Variants in NKAIN2 observed in about 807,000 individuals in gnomAD.
NKAIN2 encodes sodium/potassium transporting ATPase interacting 2.
Under a neutral mutation model 32.6 loss-of-function variants are expected in NKAIN2, and 14 were observed. That is an observed-to-expected ratio of 0.43 (90% CI 0.28 to 0.67). NKAIN2 has a LOEUF of 0.67. NKAIN2 is among the 30% of genes least tolerant of loss of function. NKAIN2 has a pLI of 0.17. For missense variants in NKAIN2, 198 were observed against 258.3 expected, an observed-to-expected ratio of 0.77 and a Z score of 1.60; for synonymous variants, 80 against 87.2, an observed-to-expected ratio of 0.92 and a Z score of 0.46.
chr6:124,234,536 C>A (rs922572343), intron 1 of NKAIN2, among the ~76,000 whole-genome samples: 1 of 152,110 alleles, frequency 6.6e-6, no homozygotes, highest in Non-Finnish European at 1.5e-5. Flanking sequence ...TTTATCTCTT[C>A]CTATTTAGCC....
chr6:124,054,514 T>C (rs982221471), intron 1 of NKAIN2, among the ~76,000 whole-genome samples: 2 of 152,078 alleles, frequency 1.3e-5, no homozygotes, highest in African/African-American at 4.8e-5. Flanking sequence ...CTTGGACTAA[T>C]AATATTAAAC....
rs569620243 is a variant in NKAIN2, at chr6:124,716,581, T to A, written c.474+58195T>A. Among the ~76,000 whole-genome samples the A allele has an allele frequency of 2.2e-4, 34 of 152,274 alleles. No homozygotes were observed. The East Asian group carries it at 6.2e-3, about 28-fold the overall frequency. ...ACAGTGGCTCCTAATATCACTTAGT[T>A]AAAGGCAAATTCAGCACACTATATA... is the stretch of plus-strand genomic sequence containing the variant. On this transcript the variant is annotated intron_variant, in intron 4 of 6. Transcript: ENST00000368417.
At chr6:123,933,022 ACTGT>A (rs1174185080) in intron 1 of NKAIN2, among the ~76,000 whole-genome samples, 2 of 152,112 alleles carry the variant, frequency 1.3e-5, no homozygotes, top group Non-Finnish European at 2.9e-5. Context: ...AAAATACTTT[ACTGT>A]CTGTCTGTTA....
rs528235486 is a variant in NKAIN2, at chr6:124,239,960, G to A, written c.55-43045G>A. ...AAAAAATCAATGAATCCAGGAGCTGGTTTTTTGAAAGGATTGAAAAAATAG... is the reference window on the plus strand; with the variant it reads ...AAAAAATCAATGAATCCAGGAGCTGATTTTTTGAAAGGATTGAAAAAATAG... On this transcript the variant is annotated intron_variant, in intron 1 of 6. Coordinates refer to ENST00000368417, the MANE Select transcript of NKAIN2 (RefSeq NM_001040214.3). Among the ~76,000 whole-genome samples the A allele has an allele frequency of 9.2e-5, 14 of 152,208 alleles. No homozygotes were observed. In the East Asian group the frequency reaches 9.7e-4, roughly 10 times the overall value.
At chr6:124,817,998 T>A (rs1215206250) in intron 5 of NKAIN2, among the ~76,000 whole-genome samples, 2,474 of 152,266 alleles carry the variant, frequency 0.016, no homozygotes, top group African/African-American at 0.054. Flanking sequence ...GGTCATTATT[T>A]ATATTTATAT....
chr6:124,745,240 A>G (rs1286069311), intron 4 of NKAIN2, among the ~76,000 whole-genome samples: 2 of 151,918 alleles, frequency 1.3e-5, no homozygotes, highest in Non-Finnish European at 2.9e-5. Context: ...ATTCTAACAT[A>G]TTTGAAGTTA....
At chr6:123,823,781 C>A (rs1774023197) in intron 1 of NKAIN2, among the ~76,000 whole-genome samples, 1 of 151,954 alleles carries the variant, frequency 6.6e-6, no homozygotes, top group Non-Finnish European at 1.5e-5. Flanking sequence ...GAGGAAGGAG[C>A]AAACCAGAAG....
chr6:123,805,254 A>G (rs1015944478), intron 1 of NKAIN2, among the ~76,000 whole-genome samples: 1 of 152,246 alleles, frequency 6.6e-6, no homozygotes, highest in Admixed American at 6.5e-5. Context: ...CAACTGTTTC[A>G]TAAAGGTTGA....
At chr6:124,258,473 C>T (rs1255428858) in intron 1 of NKAIN2, among the ~76,000 whole-genome samples, 3 of 152,140 alleles carry the variant, frequency 2.0e-5, no homozygotes, top group African/African-American at 7.2e-5. Context: ...TATTTTAGTA[C>T]ATCCAGGGAA....
intron 1 of NKAIN2, among the ~76,000 whole-genome samples, chr6:123,895,166 T>TTCTTTCTGTC (rs1774214616): frequency 6.7e-6 from 1 of 149,062 alleles, no homozygotes. Context: ...AGTTCTCTCT[T>TTCTTTCTGTC]TCTTTCTGTC....
intron 1 of NKAIN2, among the ~76,000 whole-genome samples, chr6:124,261,668 T>A (rs1352690805): frequency 6.6e-6 from 1 of 152,124 alleles, no homozygotes; most frequent in Non-Finnish European, 1.5e-5. Context: ...GAGACTAGTC[T>A]GGCCAAGATG....
intron 1 of NKAIN2, among the ~76,000 whole-genome samples, chr6:124,051,865 T>G (rs2114835457): frequency 6.6e-6 from 1 of 152,130 alleles, no homozygotes; most frequent in South Asian, 2.1e-4. Context: ...TTTTGCTTCT[T>G]ATCGGTTTCA....
At chr6:124,199,896 T>C (rs933195098) in intron 1 of NKAIN2, among the ~76,000 whole-genome samples, 4 of 152,132 alleles carry the variant, frequency 2.6e-5, no homozygotes, top group African/African-American at 9.7e-5. Context: ...ACAAAACAAA[T>C]ATATCATCGA....
chr6:124,518,243 T>C (rs1778990373), intron 3 of NKAIN2, among the ~76,000 whole-genome samples: 1 of 150,454 alleles, frequency 6.6e-6, no homozygotes, highest in Non-Finnish European at 1.5e-5. Context: ...TATATAAAAG[T>C]TCATAAAGCC....
intron 2 of NKAIN2, among the ~76,000 whole-genome samples, chr6:124,340,383 A>G (rs1554284504): frequency 6.6e-6 from 1 of 151,998 alleles, no homozygotes; most frequent in Non-Finnish European, 1.5e-5. Flanking sequence ...TTCTTTTTTT[A>G]GCTTTCATTT....
intron 1 of NKAIN2, among the ~76,000 whole-genome samples, chr6:123,992,010 TTA>T (rs1196575878): frequency 1.3e-5 from 2 of 152,146 alleles, no homozygotes; most frequent in Non-Finnish European, 2.9e-5. Flanking sequence ...AGTTTTGTTC[TTA>T]TATGTGATAT....
At chr6:124,032,316 C>T (rs139507728) in intron 1 of NKAIN2, among the ~76,000 whole-genome samples, 4,119 of 150,718 alleles carry the variant, frequency 0.027, 104 homozygotes, top group African/African-American at 0.074. Flanking sequence ...ATGTAAATGA[C>T]GAGTTAATGG....
At chr6:124,366,199 TTTATAAAATTGAGGGGATCC>T (rs1181951698) in intron 3 of NKAIN2, among the ~76,000 whole-genome samples, 1 of 152,022 alleles carries the variant, frequency 6.6e-6, no homozygotes, top group Non-Finnish European at 1.5e-5. Flanking sequence ...CTTTTTAGTG[TTTATAAAATTGAGGGGATCC>T]TTATCAATAG....
intron 3 of NKAIN2, among the ~76,000 whole-genome samples, chr6:124,467,168 C>G (rs1229882200): frequency 1.3e-5 from 2 of 152,002 alleles, no homozygotes; most frequent in Non-Finnish European, 1.5e-5. Context: ...GATCCCAGAC[C>G]ACTATGGAAA....
Sources: allele counts gnomAD v4.1 joint callset (sites outside exome capture counted in the v4.1 genomes callset), GRCh38; gene constraint gnomAD v4.1.1; transcripts MANE v1.5; gene names NCBI Gene and HGNC (gene_info 2026-07-23, HGNC 2026-07-21).